EXOC1L: variants seen among roughly 807,000 people sequenced by gnomAD.
EXOC1L encodes exocyst complex component 1 like.
A neutral mutation model predicts 4.9 loss-of-function variants in EXOC1L; 10 were observed. The ratio of observed to expected loss-of-function variants is 2.02; its 90% CI spans 1.25 to 3.43. EXOC1L has a LOEUF of 3.43. EXOC1L is among the 30% of genes most tolerant of loss of function. The pLI, the probability that EXOC1L is intolerant of heterozygous loss-of-function variation, is 0.00. For synonymous variants in EXOC1L, 41 were observed against 20.8 expected (o/e 1.97, Z -2.63); for missense variants, 114 against 59.4 (o/e 1.92, Z -3.02).
chr4:55,821,135 G>A (rs1247711980), intron 1 of EXOC1L, among the ~76,000 whole-genome samples: 1 of 152,058 alleles, frequency 6.6e-6, no homozygotes, highest in African/African-American at 2.4e-5. Context: ...TGCTGTAAGG[G>A]AAATAGAATG....
chr4:55,830,496 A>G (rs543439892), intron 1 of EXOC1L, among the ~76,000 whole-genome samples: 1 of 152,336 alleles, frequency 6.6e-6, no homozygotes, highest in African/African-American at 2.4e-5. Context: ...TCATGCAAGT[A>G]GCAAATACTC....
At chr4:55,835,488 T>C (rs1720136501) in intron 2 of EXOC1L, among the ~76,000 whole-genome samples, 1 of 152,060 alleles carries the variant, frequency 6.6e-6, no homozygotes, top group South Asian at 2.1e-4. Flanking sequence ...GTAAAAGTGT[T>C]CCCTTTTCAC....
chr4:55,821,874 CT>C (rs150592892), intron 1 of EXOC1L, among the ~76,000 whole-genome samples: 1 of 152,166 alleles, frequency 6.6e-6, no homozygotes, highest in African/African-American at 2.4e-5. Context: ...AATGTAACAC[CT>C]TTTTATGGCA....
intron 2 of EXOC1L, among the ~76,000 whole-genome samples, chr4:55,833,183 T>C (rs973412813): frequency 3.3e-5 from 5 of 151,912 alleles, no homozygotes; most frequent in Non-Finnish European, 7.4e-5. Flanking sequence ...CATATTTATA[T>C]GATAGAATAT....
intron 1 of EXOC1L, among the ~76,000 whole-genome samples, chr4:55,824,546 T>C (rs1719833622): frequency 6.6e-6 from 1 of 151,992 alleles, no homozygotes; most frequent in African/African-American, 2.4e-5. Flanking sequence ...AGTGTTTTTG[T>C]AGAGATGGGG....
At chr4:55,829,483 C>A (rs577585606) in intron 1 of EXOC1L, among the ~76,000 whole-genome samples, 1 of 152,182 alleles carries the variant, frequency 6.6e-6, no homozygotes, top group Non-Finnish European at 1.5e-5. Flanking sequence ...TCTTTCATTT[C>A]TTCTTCCATG....
At chr4:55,830,176 CTTTCACT>C (rs1719989268) in intron 1 of EXOC1L, among the ~76,000 whole-genome samples, 1 of 152,194 alleles carries the variant, frequency 6.6e-6, no homozygotes, top group East Asian at 1.9e-4. Flanking sequence ...CATTACTTAT[CTTTCACT>C]ATGATTATAC....
chr4:55,829,081 G>A (rs562150323), intron 1 of EXOC1L, among the ~76,000 whole-genome samples: 1 of 152,062 alleles, frequency 6.6e-6, no homozygotes, highest in African/African-American at 2.4e-5. Context: ...TTCAGTGTTT[G>A]GTTTTCATCC....
intron 1 of EXOC1L, among the ~76,000 whole-genome samples, chr4:55,825,891 C>T (rs1373952574): frequency 6.6e-6 from 1 of 151,880 alleles, no homozygotes; most frequent in Non-Finnish European, 1.5e-5. Context: ...TTGAGACGAG[C>T]CTGGCCAACA....
chr4:55,827,191 C>T (rs973999103), intron 1 of EXOC1L, among the ~76,000 whole-genome samples: 33 of 152,202 alleles, frequency 2.2e-4, no homozygotes, highest in African/African-American at 7.7e-4. Context: ...TGTTCCCTGC[C>T]ACCTGTCCAC....
intron 2 of EXOC1L, among the ~76,000 whole-genome samples, chr4:55,832,488 G>A (rs934402184): frequency 6.6e-6 from 1 of 151,896 alleles, no homozygotes; most frequent in African/African-American, 2.4e-5. Flanking sequence ...TAAAATTGAT[G>A]AGGCAGGCAG....
chr4:55,833,760 C>A (rs907129140), intron 2 of EXOC1L, among the ~76,000 whole-genome samples: 15 of 151,848 alleles, frequency 9.9e-5, no homozygotes, highest in African/African-American at 3.6e-4. Flanking sequence ...ATTTTTTCCT[C>A]ACTTTTGATG....
Position 55,829,719 on chromosome 4 carries a change from T to C in EXOC1L, c.122-1615T>C, listed in dbSNP as rs113462662. ...CTCTCAGCTCAACTGGCTGTCTTGA[T>C]TTTAGTATCACTGGCACCATCAGGC... On this transcript the variant is annotated intron_variant, in intron 1 of 2. Transcript: ENST00000636125. Among the ~76,000 whole-genome samples, 280 of 152,296 alleles carry C rather than the reference T, an allele frequency of 1.8e-3. 2 individuals carry two copies. Among genetic ancestry groups the C allele is most frequent in the African/African-American group, 6.0e-3 (250 of 41,558 alleles).
Position 55,837,168 on chromosome 4 carries a change from A to T in EXOC1L, c.336A>T (p.Arg112=). Residue 112 remains arginine, a synonymous_variant, in exon 3 of 3, where the codon CGA becomes CGT. Coordinates refer to ENST00000636125, the MANE Select transcript of EXOC1L (RefSeq NM_001351574.3). ...GTGCTTCTAAATATGCCTTTGCTCGAACTGTAAATAAGCTGAATCATGCAT... is the reference window on the plus strand; with the variant it reads ...GTGCTTCTAAATATGCCTTTGCTCGTACTGTAAATAAGCTGAATCATGCAT... ...YSCASKYAFA[R]TVNKLNHAYL... 1 of 702,120 alleles carries T rather than the reference A, an allele frequency of 1.4e-6. No homozygotes were observed. Among genetic ancestry groups the T allele is most frequent in the Non-Finnish European group, 2.6e-6 (1 of 384,354 alleles). The allele number at this position is 702,120 out of a possible 1,614,324, so 43.5% of individuals were successfully genotyped here. A position where few individuals can be genotyped will look rare whatever the true frequency, so the allele number is the denominator to read the frequency against.
At chr4:55,836,672 T>A (rs945484314) in intron 2 of EXOC1L, among the ~76,000 whole-genome samples, 14 of 151,944 alleles carry the variant, frequency 9.2e-5, no homozygotes, top group African/African-American at 2.9e-4. Context: ...ATGTATTTCT[T>A]CCTTCTACCT....
intron 1 of EXOC1L, 23 bp downstream of exon 1, chr4:55,820,170 A>G (rs950079136): frequency 2.5e-6 from 1 of 398,526 alleles, no homozygotes; most frequent in Non-Finnish European, 4.4e-6. Flanking sequence ...TTCTGTTATC[A>G]TTTCAAAAAG....
rs1720030139 is a variant in EXOC1L, at chr4:55,831,457, C to A, written c.245C>A (p.Ala82Glu). The change falls in exon 2 of 3, where the codon GCA becomes GAA. Residue 82 changes from alanine (A) to glutamate (E), a missense_variant. Transcript: ENST00000636125. ...NDLQMIDGKE[A>E]DTDNPFFDLH... ...CTGCAGATGATTGATGGAAAAGAAG[C>A]AGATACTGTAAGTGTTACATTTTAT... 1.5e-6 allele frequency: 1 copy of A among 689,262 alleles called. No individual in the cohort carries two copies. The highest frequency in any genetic ancestry group is 1.8e-5 in the African/African-American group (1 of 56,386). 42.7% of individuals were successfully genotyped at this position (689,262 alleles called of 1,614,324 possible). A position where few individuals can be genotyped will look rare whatever the true frequency, so the allele number is the denominator to read the frequency against.
At chr4:55,820,391 T>C (rs1381378419) in intron 1 of EXOC1L, among the ~76,000 whole-genome samples, 1 of 152,214 alleles carries the variant, frequency 6.6e-6, no homozygotes, top group Non-Finnish European at 1.5e-5. Context: ...GAAACTGATG[T>C]GTCCTTCTCC....
chr4:55,837,261 C>T lies in EXOC1L; in HGVS notation c.429C>T (p.Ser143=), dbSNP rs1345060022. Residue 143 remains serine (S), a synonymous_variant, in exon 3 of 3, where the codon TCC becomes TCT. Coordinates refer to ENST00000636125, the MANE Select transcript of EXOC1L (RefSeq NM_001351574.3). ...STYINDDSIW[S]SNNKDCLVLM... ...ACATTAACGATGATTCCATTTGGTC[C>T]TCCAACAATAAGGATTGTTTGGTCC... 5 of 700,786 alleles carry T rather than the reference C, an allele frequency of 7.1e-6. No homozygotes were observed. The highest frequency in any genetic ancestry group is 1.3e-5 in the Non-Finnish European group (5 of 383,774). The allele number at this position is 700,786 out of a possible 1,614,324, so 43.4% of individuals were successfully genotyped here. A position where few individuals can be genotyped will look rare whatever the true frequency, so the allele number is the denominator to read the frequency against.
Sources: allele counts gnomAD v4.1 joint callset (sites outside exome capture counted in the v4.1 genomes callset), GRCh38; gene constraint gnomAD v4.1.1; transcripts MANE v1.5; gene names NCBI Gene and HGNC (gene_info 2026-07-23, HGNC 2026-07-21).